The following ANKRD13D variants were observed in gnomAD, a reference collection of about 807,000 sequenced individuals.
The protein encoded by ANKRD13D is ankyrin repeat domain 13D.
A neutral mutation model predicts 68.8 loss-of-function variants in ANKRD13D; 24 were observed. The observed-to-expected ratio is 0.35, with a 90% CI of 0.25 to 0.49. The LOEUF (loss-of-function observed/expected upper bound fraction) is 0.49. Ranked by LOEUF, ANKRD13D falls within the 20% of genes least tolerant of loss-of-function variation. The pLI is 0.99. For missense variants in ANKRD13D, 735 were observed against 832.1 expected, an observed-to-expected ratio of 0.88 and a Z score of 1.44; for synonymous variants, 331 against 336.1, an observed-to-expected ratio of 0.98 and a Z score of 0.16.
rs1217471848 is a variant in ANKRD13D at position 67,301,712 on chromosome 11, G to A, written c.1513-20G>A. 1.9e-6 allele frequency: 3 copies of A among 1,611,284 alleles called. No individual in the cohort carries two copies. The highest frequency in any genetic ancestry group is 2.5e-6 in the Non-Finnish European group (3 of 1,179,632). ...CAGCCACACGGCAGAAGTGACAGCTGTGGGCTCTGGTGGCTGCAGGTGACC... is the reference window on the plus strand; with the variant it reads ...CAGCCACACGGCAGAAGTGACAGCTATGGGCTCTGGTGGCTGCAGGTGACC... On this transcript the variant is annotated intron_variant, in intron 13 of 14. Coordinates refer to ENST00000511455, the MANE Select transcript of ANKRD13D (RefSeq NM_207354.3). The surrounding 1 kb of genome is among the most constrained non-coding windows in gnomAD (Gnocchi z 4.5).
Position 67,301,831 on chromosome 11 carries a change from C to G in ANKRD13D, c.1604+8C>G, listed in dbSNP as rs1339644939. On this transcript the variant is annotated splice_region_variant and intron_variant, in intron 14 of 14. Transcript: ENST00000511455. The surrounding 1 kb of genome is among the most constrained non-coding windows in gnomAD (Gnocchi z 4.5). Reference sequence around the variant, plus strand: ...ACAGCTTCAGCTGGAGCGGTGAGCCCCTCATGGGGCTGGCTGGGTCCCTGT... The same window carrying G: ...ACAGCTTCAGCTGGAGCGGTGAGCCGCTCATGGGGCTGGCTGGGTCCCTGT... 10 of 1,583,250 alleles carry G rather than the reference C, an allele frequency of 6.3e-6. No individual in the cohort carries two copies. Among genetic ancestry groups the G allele is most frequent in the Non-Finnish European group, 8.6e-6 (10 of 1,165,006 alleles).
intron 1 of ANKRD13D, 162 bp downstream of exon 1, chr11:67,289,712 G>C (rs895944562): frequency 2.2e-6 from 3 of 1,343,254 alleles, no homozygotes; most frequent in Non-Finnish European, 2.9e-6. Flanking sequence ...CCGGCCCCTC[G>C]CGCCTGAGCC....
intron 6 of ANKRD13D, among the ~76,000 whole-genome samples, chr11:67,296,899 G>A (rs564941424): frequency 3.9e-5 from 6 of 152,092 alleles, no homozygotes; most frequent in Admixed American, 6.5e-5. Flanking sequence ...TGACATTACA[G>A]GTGTGAACCA....
chr11:67,297,882 C>A (rs1860820910), intron 6 of ANKRD13D: 1 of 151,606 alleles, frequency 6.6e-6, no homozygotes, highest in Non-Finnish European at 1.5e-5. Flanking sequence ...TTTCTGATTT[C>A]TCTTTTGATT....
chr11:67,293,575 C>T (rs1385421431), intron 6 of ANKRD13D, among the ~76,000 whole-genome samples: 11 of 152,166 alleles, frequency 7.2e-5, no homozygotes, highest in Non-Finnish European at 1.3e-4. Context: ...GATCATGGCT[C>T]ATTGCACCCT....
rs370777430 is a variant in ANKRD13D, at chr11:67,291,660, A to G, written c.455A>G (p.Glu152Gly). 9.9e-6 allele frequency: 16 copies of G among 1,614,012 alleles called. No homozygotes were observed. Among genetic ancestry groups the G allele is most frequent in the African/African-American group, 4.0e-5 (3 of 74,932 alleles). The change falls in exon 5 of 15, where the codon GAG becomes GGG. Residue 152 changes from glutamate to glycine, a missense_variant. By Grantham distance (98) the Glu-to-Gly change is moderately conservative. Coordinates refer to ENST00000511455, the MANE Select transcript of ANKRD13D (RefSeq NM_207354.3). ...SDVYRVWKRG[E>G]SLRVDTSLLG... ...GTGTACCGCGTGTGGAAGCGGGGTG[A>G]GAGCCTGCGAGTAGACACCAGTCTC...
intron 6 of ANKRD13D, among the ~76,000 whole-genome samples, chr11:67,292,617 A>G (rs1338531770): frequency 3.3e-5 from 5 of 151,926 alleles, no homozygotes; most frequent in African/African-American, 1.2e-4. Flanking sequence ...GTCAGTGGAA[A>G]CACTTAAAAA....
At position 67,289,979 on chromosome 11, in the gene ANKRD13D, C is replaced by T. The variant is rs1165410660; in HGVS notation, c.91-99C>T. On this transcript the variant is annotated intron_variant, in intron 1 of 14. Coordinates refer to ENST00000511455, the MANE Select transcript of ANKRD13D (RefSeq NM_207354.3). ...GCCATCTCCCTGGTCAGTCCGCCGT[C>T]CTTATTTCCCACAGCGATTCCCAAC... 3.4e-6 allele frequency: 5 copies of T among 1,466,602 alleles called. No homozygotes were observed. The East Asian group carries it at 1.2e-4, about 36-fold the overall frequency. 90.8% of individuals were successfully genotyped at this position (1,466,602 alleles called of 1,614,324 possible). A position where few individuals can be genotyped will look rare whatever the true frequency, so the allele number is the denominator to read the frequency against.
Position 67,302,381 on chromosome 11 carries a change from AATTT to A in ANKRD13D, c.*60_*63del, listed in dbSNP as rs1382711522. 2 of 1,445,728 alleles carry A rather than the reference AATTT, an allele frequency of 1.4e-6. No homozygotes were observed. The highest frequency in any genetic ancestry group is 2.0e-4 in the Middle Eastern group (1 of 4,918). 89.6% of individuals were successfully genotyped at this position (1,445,728 alleles called of 1,614,324 possible). A position where few individuals can be genotyped will look rare whatever the true frequency, so the allele number is the denominator to read the frequency against. ...CAGGCCACTCCCTGCCCGCTTTTGT[AATTT>A]ATTTATTTATAAACTCTCTGCTGCT... On this transcript the variant is annotated 3_prime_UTR_variant, in exon 15 of 15. Transcript: ENST00000511455.
intron 6 of ANKRD13D, among the ~76,000 whole-genome samples, chr11:67,296,092 C>A (rs1565078636): frequency 6.6e-6 from 1 of 152,078 alleles, no homozygotes; most frequent in East Asian, 1.9e-4. Context: ...GTGTATAATT[C>A]TTTTCATATG....
At chr11:67,291,258 G>A in intron 3 of ANKRD13D, 2 of 556,060 alleles carry the variant, frequency 3.6e-6, no homozygotes, top group Non-Finnish European at 6.3e-6. Flanking sequence ...TCGGGAGGCT[G>A]AGGTGGAAGA....
intron 3 of ANKRD13D, 124 bp downstream of exon 3, chr11:67,290,570 GGTCT>G (rs1860491877): frequency 2.8e-6 from 4 of 1,414,920 alleles, no homozygotes; most frequent in Middle Eastern, 2.6e-4. Flanking sequence ...CCAGCAAGGA[GGTCT>G]GTCTATCTTG....
intron 2 of ANKRD13D, 25 bp downstream of exon 2, chr11:67,290,238 C>T: frequency 1.3e-6 from 2 of 1,543,228 alleles, no homozygotes; most frequent in Non-Finnish European, 1.7e-6. Context: ...AAGGGGCTCC[C>T]CCTGAGGCTG....
chr11:67,297,644 G>A (rs1454556653), intron 6 of ANKRD13D, among the ~76,000 whole-genome samples: 1 of 151,684 alleles, frequency 6.6e-6, no homozygotes, highest in African/African-American at 2.4e-5. Context: ...TCCTGGCTCA[G>A]CCTCCCGAGT....
intron 1 of ANKRD13D, 48 bp from the exon 2 acceptor site, chr11:67,290,030 C>T (rs1320951271): frequency 7.2e-6 from 11 of 1,518,198 alleles, no homozygotes. Context: ...AGCCTCCCTG[C>T]CTTGCCCTCT....
Position 67,292,073 on chromosome 11 carries a change from C to T in ANKRD13D, c.624C>T (p.Pro208=), listed in dbSNP as rs552535003. Residue 208 remains proline, a synonymous_variant, in exon 6 of 15, where the codon CCC becomes CCT. Transcript: ENST00000511455. ...CACTGGGGCTCACTCTGCAGGAGCC[C>T]GAAACACTGCTGGCCGCCATGCGGC... ...VETLGLTLQE[P]ETLLAAMRPS... is the part of the protein sequence containing the mutation. 130 of 1,611,730 alleles carry T rather than the reference C, an allele frequency of 8.1e-5. No individual in the cohort carries two copies. The East Asian group carries it at 1.3e-3, about 16-fold the overall frequency.
intron 3 of ANKRD13D, 144 bp downstream of exon 3, chr11:67,290,590 A>T: frequency 7.8e-7 from 1 of 1,280,912 alleles, no homozygotes; most frequent in Non-Finnish European, 1.1e-6. Flanking sequence ...TCTTGACCCC[A>T]GCCCAGGGTC....
Position 67,290,448 on chromosome 11 carries a change from T to C in ANKRD13D, c.351+2T>C, listed in dbSNP as rs1372057717. On this transcript the variant is annotated splice_donor_variant, in intron 3 of 14. Coordinates refer to ENST00000511455, the MANE Select transcript of ANKRD13D (RefSeq NM_207354.3). LOFTEE classifies it high-confidence loss of function. ...GAACTGCTCAACAAACTTCGCCAGG[T>C]ACAGCAGGGCACAGTTATGGAGGTG... 1 of 1,576,614 alleles carries C rather than the reference T, an allele frequency of 6.3e-7. No homozygotes were observed. The highest frequency in any genetic ancestry group is 8.6e-7 in the Non-Finnish European group (1 of 1,162,130).
chr11:67,300,631 G>A lies in ANKRD13D; in HGVS notation c.1074-359G>A. On this transcript the variant is annotated intron_variant, in intron 10 of 14. Coordinates refer to ENST00000511455, the MANE Select transcript of ANKRD13D (RefSeq NM_207354.3). This position sits in a 1 kb window ranked among gnomAD's most constrained non-coding sequence, Gnocchi z 4.3. ...GGCAGTCTTGCCCTGGGGTGTGCTG[G>A]ACATAAAAGTTTGGCAACACGTGAG... is the stretch of plus-strand genomic sequence containing the variant. 4.4e-6 allele frequency: 2 copies of A among 451,390 alleles called. No individual in the cohort carries two copies. Among genetic ancestry groups the A allele is most frequent in the Non-Finnish European group, 3.9e-6 (1 of 255,474 alleles). The allele number at this position is 451,390 out of a possible 1,614,324, so 28.0% of individuals were successfully genotyped here.
Sources: gnomAD v4.1 joint callset for allele counts (sites outside exome capture counted in the v4.1 genomes callset) on GRCh38, gnomAD v4.1.1 for gene constraint, Gnocchi (gnomAD v3.1) non-coding constraint, MANE v1.5 for transcripts, NCBI Gene and HGNC (gene_info 2026-07-23, HGNC 2026-07-21) for gene names.